PPIP5K2: variants seen among roughly 807,000 people sequenced by gnomAD.
The protein encoded by PPIP5K2 is diphosphoinositol pentakisphosphate kinase 2.
A neutral mutation model predicts 154.6 loss-of-function variants in PPIP5K2; 105 were observed. That is an observed-to-expected ratio of 0.68 (90% confidence interval 0.58 to 0.80). The LOEUF is 0.80. Among genes scored for constraint, PPIP5K2 ranks in the 30% least tolerant of loss-of-function variants. The pLI, the probability that PPIP5K2 is intolerant of heterozygous loss-of-function variation, is 0.00. For synonymous variants in PPIP5K2, 480 were observed against 490.3 expected, an observed-to-expected ratio of 0.98 and a Z score of 0.28; for missense variants, 992 against 1,504.6, an observed-to-expected ratio of 0.66 and a Z score of 5.64.
intron 5 of PPIP5K2, among the ~76,000 whole-genome samples, chr5:103,139,630 T>C (rs1792207622): frequency 6.6e-6 from 1 of 152,180 alleles, no homozygotes; most frequent in Admixed American, 6.5e-5. Context: ...TCAGTGAATG[T>C]CTACAAGCAT....
At chr5:103,141,071 C>G (rs536503607) in intron 5 of PPIP5K2, among the ~76,000 whole-genome samples, 72 of 152,160 alleles carry the variant, frequency 4.7e-4, no homozygotes, top group African/African-American at 1.7e-3. Flanking sequence ...CAGTGGCTCA[C>G]GTCTGTAATC....
intron 5 of PPIP5K2, among the ~76,000 whole-genome samples, chr5:103,140,291 A>G (rs1792339590): frequency 6.6e-6 from 1 of 152,208 alleles, no homozygotes; most frequent in Non-Finnish European, 1.5e-5. Context: ...AAAGATACGA[A>G]TATGCATAGG....
chr5:103,122,547 T>A (rs1352743956), intron 1 of PPIP5K2, among the ~76,000 whole-genome samples: 1 of 152,184 alleles, frequency 6.6e-6, no homozygotes, highest in African/African-American at 2.4e-5. Flanking sequence ...TTGTGTAATC[T>A]TATAAATGAG....
At chr5:103,122,048 TTGA>T (rs1192132206) in intron 1 of PPIP5K2, among the ~76,000 whole-genome samples, 1 of 152,212 alleles carries the variant, frequency 6.6e-6, no homozygotes, top group Non-Finnish European at 1.5e-5. Flanking sequence ...TTGAAGTGTG[TTGA>T]TATCTAGTAC....
At position 103,182,755 on chromosome 5, in the gene PPIP5K2, T is replaced by A. The variant is rs147639125; in HGVS notation, c.2923-479T>A. 6.6e-3 allele frequency among the ~76,000 whole-genome samples: 1,008 copies of A among 152,276 alleles called. 6 individuals carry two copies. Among genetic ancestry groups the A allele is most frequent in the Middle Eastern group, 0.01 (3 of 294 alleles). ...AGGGAGACAGATTTAGTTTTCTAAG[T>A]TATGTATATTGAAATCCCTTTGACC... is the stretch of plus-strand genomic sequence containing the variant. On this transcript the variant is annotated intron_variant, in intron 24 of 30. Coordinates refer to ENST00000358359, the MANE Select transcript of PPIP5K2 (RefSeq NM_001276277.3).
intron 28 of PPIP5K2, 93 bp from the exon 29 acceptor site, chr5:103,190,749 C>T: frequency 8.6e-7 from 1 of 1,165,576 alleles, no homozygotes; most frequent in South Asian, 1.9e-5. Context: ...AAGACCTAAA[C>T]TGTCCAGTTC....
intron 1 of PPIP5K2, among the ~76,000 whole-genome samples, chr5:103,127,932 T>C (rs532526980): frequency 6.9e-6 from 1 of 145,108 alleles, no homozygotes; most frequent in Non-Finnish European, 1.5e-5. Context: ...CTGGAAACTT[T>C]CTGTTGTTGT....
rs935333681 is a variant in PPIP5K2, at chr5:103,202,716, C to G, written c.*1082C>G. ...AAAAATCAATTTATTATCCTTGGTG[C>G]TTTCCCCCCCACCAATGCACAAATA... is the stretch of plus-strand genomic sequence containing the variant. On this transcript the variant is annotated 3_prime_UTR_variant, in exon 31 of 31. Coordinates refer to ENST00000358359, the MANE Select transcript of PPIP5K2 (RefSeq NM_001276277.3). 4.6e-5 allele frequency: 7 copies of G among 152,086 alleles called. No homozygotes were observed. The highest frequency in any genetic ancestry group is 8.8e-5 in the Non-Finnish European group (6 of 67,978). The allele number at this position is 152,086 out of a possible 1,614,324, so 9.4% of individuals were successfully genotyped here.
intron 17 of PPIP5K2, among the ~76,000 whole-genome samples, chr5:103,165,481 T>C (rs1281194361): frequency 5.3e-5 from 8 of 152,104 alleles, no homozygotes; most frequent in Admixed American, 5.3e-4. Flanking sequence ...TCTTGTATTA[T>C]CTTGTTATGA....
chr5:103,191,177 C>A lies in PPIP5K2; in HGVS notation c.3493+195C>A, dbSNP rs782684758. The A allele has an allele frequency of 3.5e-4, 144 of 414,868 alleles. 1 individual carries two copies. The highest frequency in any genetic ancestry group is 2.3e-4 in the Admixed American group (5 of 22,142). 25.7% of individuals were successfully genotyped at this position (414,868 alleles called of 1,614,324 possible). A position where few individuals can be genotyped will look rare whatever the true frequency, so the allele number is the denominator to read the frequency against. On this transcript the variant is annotated intron_variant, in intron 29 of 30. Coordinates refer to ENST00000358359, the MANE Select transcript of PPIP5K2 (RefSeq NM_001276277.3). ...CCTCTTTTTTTTACTCTGCCAAAAT[C>A]TTTTCTTCTTACCAAAAAAAAACAA...
intron 2 of PPIP5K2, among the ~76,000 whole-genome samples, chr5:103,131,078 C>T (rs1448203311): frequency 6.6e-6 from 1 of 152,052 alleles, no homozygotes; most frequent in Non-Finnish European, 1.5e-5. Flanking sequence ...CCAAACCCTC[C>T]CCAGATTTCA....
intron 25 of PPIP5K2, 130 bp downstream of exon 25, chr5:103,183,537 C>T (rs1799906494): frequency 3.9e-6 from 3 of 771,076 alleles, no homozygotes; most frequent in Non-Finnish European, 4.0e-6. Context: ...ATTTTGAGTT[C>T]ATTTAAAAAT....
intron 30 of PPIP5K2, among the ~76,000 whole-genome samples, chr5:103,198,697 T>C (rs1802499805): frequency 6.6e-6 from 1 of 152,188 alleles, no homozygotes; most frequent in African/African-American, 2.4e-5. Flanking sequence ...TTGTCTGATG[T>C]GATATAGCTC....
rs192560110 is a variant in PPIP5K2 at position 103,185,601 on chromosome 5, C to T, written c.3170-719C>T. 8.6e-5 allele frequency among the ~76,000 whole-genome samples: 13 copies of T among 151,902 alleles called. No homozygotes were observed. The East Asian group carries it at 1.4e-3, about 16-fold the overall frequency. On this transcript the variant is annotated intron_variant, in intron 26 of 30. Transcript: ENST00000358359. ...ATATTTTATAGAAATTTATTTAATC[C>T]TTCCCCAGTGATGAAAGTGTTATTT...
In PPIP5K2 at chr5:103,204,639, A is replaced by T. The variant is rs1230594416; in HGVS notation, c.*3005A>T. 1.3e-5 allele frequency: 2 copies of T among 152,136 alleles called. No homozygotes were observed. The highest frequency in any genetic ancestry group is 2.4e-5 in the African/African-American group (1 of 41,414). The allele number at this position is 152,136 out of a possible 1,614,324, so 9.4% of individuals were successfully genotyped here. On this transcript the variant is annotated 3_prime_UTR_variant, in exon 31 of 31. Transcript: ENST00000358359. ...GGAATAATTTTTACACTCCTTCAGA[A>T]GGAGTCATTTGTGATTGGAGTCCAC...
intron 29 of PPIP5K2, among the ~76,000 whole-genome samples, chr5:103,194,409 T>C (rs1022625996): frequency 3.3e-5 from 5 of 152,158 alleles, no homozygotes; most frequent in African/African-American, 9.6e-5. Flanking sequence ...CTGCCTTGCC[T>C]AACTAAATTA....
intron 3 of PPIP5K2, among the ~76,000 whole-genome samples, 161 bp from the exon 4 acceptor site, chr5:103,136,569 TAA>T (rs1362325625): frequency 1.3e-5 from 2 of 152,166 alleles, no homozygotes; most frequent in Non-Finnish European, 2.9e-5. Flanking sequence ...ATTTAATATA[TAA>T]GTTAAATCAA....
chr5:103,125,028 G>C (rs1789416445), intron 1 of PPIP5K2, among the ~76,000 whole-genome samples: 1 of 152,212 alleles, frequency 6.6e-6, no homozygotes, highest in African/African-American at 2.4e-5. Flanking sequence ...AAGTTTTGTA[G>C]AGGAGTATCT....
chr5:103,193,574 G>GAGTAGGA (rs1801601242), intron 29 of PPIP5K2, among the ~76,000 whole-genome samples: 2 of 152,004 alleles, frequency 1.3e-5, no homozygotes, highest in African/African-American at 4.8e-5. Context: ...ATAGAGTAGG[G>GAGTAGGA]TAAAAATATG....
Sources: allele counts gnomAD v4.1 joint callset (sites outside exome capture counted in the v4.1 genomes callset), GRCh38; gene constraint gnomAD v4.1.1; transcripts MANE v1.5; gene names NCBI Gene and HGNC (gene_info 2026-07-23, HGNC 2026-07-21).